STX8: variants seen among roughly 807,000 people sequenced by gnomAD.
STX8 encodes the protein syntaxin 8.
STX8 carries 23 observed loss-of-function variants against 37.5 expected under a neutral mutation model. The ratio of observed to expected loss-of-function variants is 0.61; its 90% confidence interval spans 0.44 to 0.87. STX8 has a LOEUF of 0.87. Ranked by LOEUF, STX8 falls within the 40% of genes least tolerant of loss-of-function variation. The pLI is 0.00. For synonymous variants in STX8, 115 were observed against 99.1 expected (o/e 1.16, Z -0.95); for missense variants, 313 against 284.7 (o/e 1.10, Z -0.71).
intron 4 of STX8, among the ~76,000 whole-genome samples, chr17:9,518,821 A>T (rs937259169): frequency 6.6e-6 from 1 of 151,198 alleles, no homozygotes; most frequent in Non-Finnish European, 1.5e-5. Flanking sequence ...TGGAGCCGAG[A>T]TCGTGCCACT....
At chr17:9,323,159 C>T (rs576734757) in intron 7 of STX8, among the ~76,000 whole-genome samples, 1 of 152,050 alleles carries the variant, frequency 6.6e-6, no homozygotes, top group Non-Finnish European at 1.5e-5. Context: ...TAAACAGATG[C>T]CAATGCTTTC....
intron 6 of STX8, among the ~76,000 whole-genome samples, chr17:9,431,897 T>G (rs934735836): frequency 6.6e-6 from 1 of 152,156 alleles, no homozygotes; most frequent in Non-Finnish European, 1.5e-5. Flanking sequence ...AGGACAACAT[T>G]TTGGTTCATA....
At chr17:9,539,519 T>C (rs16958439) in intron 4 of STX8, among the ~76,000 whole-genome samples, 1 of 151,990 alleles carries the variant, frequency 6.6e-6, no homozygotes, top group Admixed American at 6.6e-5. Flanking sequence ...TGGTCTAGCA[T>C]TCCTGACAAA....
At chr17:9,489,239 C>G (rs933084013) in intron 6 of STX8, among the ~76,000 whole-genome samples, 1 of 152,098 alleles carries the variant, frequency 6.6e-6, no homozygotes, top group African/African-American at 2.4e-5. Flanking sequence ...AAAACTAACA[C>G]ACTTCAACCT....
At chr17:9,284,398 G>A (rs1220721918) in intron 7 of STX8, among the ~76,000 whole-genome samples, 1 of 152,196 alleles carries the variant, frequency 6.6e-6, no homozygotes, top group African/African-American at 2.4e-5. Flanking sequence ...GATCGTCTTA[G>A]CTAAAGAAAA....
At chr17:9,503,692 C>T (rs1904709303) in intron 5 of STX8, among the ~76,000 whole-genome samples, 1 of 152,082 alleles carries the variant, frequency 6.6e-6, no homozygotes, top group Non-Finnish European at 1.5e-5. Flanking sequence ...TTTTAAAAAG[C>T]AGAATTAGAA....
chr17:9,568,955 C>T (rs555338087), intron 1 of STX8, among the ~76,000 whole-genome samples: 1 of 152,318 alleles, frequency 6.6e-6, no homozygotes, highest in Admixed American at 6.5e-5. Flanking sequence ...TTGAAGGCTT[C>T]GTTAGTAATA....
At chr17:9,406,552 A>G (rs1396432177) in intron 6 of STX8, among the ~76,000 whole-genome samples, 1 of 152,156 alleles carries the variant, frequency 6.6e-6, no homozygotes, top group Non-Finnish European at 1.5e-5. Flanking sequence ...CCATTTGTTT[A>G]CATTTCTGTC....
chr17:9,500,446 T>C (rs6503218), intron 5 of STX8, among the ~76,000 whole-genome samples: 108,454 of 151,932 alleles, frequency 0.71, 38,967 homozygotes, highest in Middle Eastern at 0.85. Flanking sequence ...AGAACACAGG[T>C]GGAACCCAGC....
At chr17:9,441,566 T>C (rs531081957) in intron 6 of STX8, among the ~76,000 whole-genome samples, 38 of 152,084 alleles carry the variant, frequency 2.5e-4, no homozygotes, top group African/African-American at 8.7e-4. Flanking sequence ...TCGTCCTCAT[T>C]CTTTTCTGAC....
intron 4 of STX8, among the ~76,000 whole-genome samples, chr17:9,513,810 A>T (rs1013045336): frequency 1.5e-4 from 23 of 152,378 alleles, no homozygotes; most frequent in African/African-American, 5.5e-4. Flanking sequence ...AGTGTGGTAT[A>T]CATACACAAC....
intron 7 of STX8, among the ~76,000 whole-genome samples, chr17:9,252,952 C>T (rs1029390138): frequency 1.3e-5 from 2 of 152,238 alleles, no homozygotes; most frequent in African/African-American, 4.8e-5. Flanking sequence ...GTGGTCTGCA[C>T]AGCCTAAACC....
At chr17:9,395,468 C>G (rs1367665628) in intron 6 of STX8, among the ~76,000 whole-genome samples, 1 of 152,078 alleles carries the variant, frequency 6.6e-6, no homozygotes, top group Admixed American at 6.6e-5. Flanking sequence ...ATCCCATCTA[C>G]TTGGGAGCCT....
intron 7 of STX8, among the ~76,000 whole-genome samples, chr17:9,364,123 C>T (rs745626879): frequency 8.5e-5 from 13 of 152,138 alleles, no homozygotes; most frequent in Non-Finnish European, 1.5e-4. Context: ...ACTTAACACG[C>T]GCATTATCCA....
At chr17:9,450,569 C>A (rs1032731806) in intron 6 of STX8, among the ~76,000 whole-genome samples, 2 of 151,870 alleles carry the variant, frequency 1.3e-5, no homozygotes, top group African/African-American at 4.9e-5. Context: ...CTAGTAGCTG[C>A]GAAGCATGCA....
At chr17:9,461,030 C>G (rs1244951897) in intron 6 of STX8, among the ~76,000 whole-genome samples, 4 of 149,982 alleles carry the variant, frequency 2.7e-5, no homozygotes, top group Non-Finnish European at 4.4e-5. Context: ...ATGTTTCCAA[C>G]CCCTGCTTTG....
rs368832401 is a variant in STX8 at position 9,303,896 on chromosome 17, C to T, written c.644-53251G>A. Reference sequence around the variant, plus strand: ...GTTATGTGGAGATAACCTTTCTCACCGTGACTTAAAATCTGGACGTCATAA... The same window carrying T: ...GTTATGTGGAGATAACCTTTCTCACTGTGACTTAAAATCTGGACGTCATAA... On this transcript the variant is annotated intron_variant, in intron 7 of 7. Coordinates refer to ENST00000306357, the MANE Select transcript of STX8 (RefSeq NM_004853.3). Among the ~76,000 whole-genome samples, 5 of 151,742 alleles carry T rather than the reference C, an allele frequency of 3.3e-5. No individual in the cohort carries two copies. In the East Asian group the frequency reaches 5.8e-4, roughly 18 times the overall value.
At chr17:9,571,452 G>T (rs951160352) in intron 1 of STX8, among the ~76,000 whole-genome samples, 1 of 148,054 alleles carries the variant, frequency 6.8e-6, no homozygotes, top group Non-Finnish European at 1.5e-5. Flanking sequence ...AAGCACACAG[G>T]TGCCTGAAGT....
chr17:9,432,206 G>A (rs1048703649), intron 6 of STX8, among the ~76,000 whole-genome samples: 14 of 151,476 alleles, frequency 9.2e-5, no homozygotes, highest in African/African-American at 3.4e-4. Context: ...AATTGATTTT[G>A]TAAGTTTTGT....
Sources: allele counts gnomAD v4.1 joint callset (sites outside exome capture counted in the v4.1 genomes callset), GRCh38; gene constraint gnomAD v4.1.1; transcripts MANE v1.5; gene names NCBI Gene and HGNC (gene_info 2026-07-23, HGNC 2026-07-21).